Variants in CD40 observed in about 807,000 individuals in gnomAD.
The protein encoded by CD40 is CD40 molecule, also known as tumor necrosis factor receptor superfamily member 5.
Under a neutral mutation model 38.5 loss-of-function variants are expected in CD40, and 19 were observed. The observed-to-expected ratio is 0.49, with a 90% CI of 0.34 to 0.72. CD40 has a LOEUF of 0.72. CD40 is among the 30% of genes least tolerant of loss of function. The probability of loss-of-function intolerance (pLI) is 0.01; values close to 1 mark genes in which losing one functional copy is unlikely to be tolerated. For missense variants in CD40, 256 were observed against 344.1 expected (o/e 0.74, Z 2.03); for synonymous variants, 130 against 128.7 (o/e 1.01, Z -0.07).
chr20:46,128,251 G>T lies in CD40; in HGVS notation c.646+27G>T, dbSNP rs11569337. The T allele has an allele frequency of 1.8e-3, 2,880 of 1,613,176 alleles. 51 individuals carry two copies. In the African/African-American group the frequency reaches 0.035, roughly 20 times the overall value. ...TGAGTCCTCAGGTGGGGAGGTGTTGGGGGAGGGAGGGGAGACCACCTGTTT... is the reference window on the plus strand; with the variant it reads ...TGAGTCCTCAGGTGGGGAGGTGTTGTGGGAGGGAGGGGAGACCACCTGTTT... On this transcript the variant is annotated intron_variant, in intron 7 of 8. Transcript: ENST00000372285.
Position 46,122,211 on chromosome 20 carries a change from C to A in CD40, c.131-22C>A. On this transcript the variant is annotated intron_variant, in intron 2 of 8. Coordinates refer to ENST00000372285, the MANE Select transcript of CD40 (RefSeq NM_001250.6). This position sits in a 1 kb window ranked among gnomAD's most constrained non-coding sequence, Gnocchi z 5.0. Reference sequence around the variant, plus strand: ...CTCATGGAGTTGGCCAGAGCCCTCCCTCATTTCCTGATGTTTTCCAGGACA... The same window carrying A: ...CTCATGGAGTTGGCCAGAGCCCTCCATCATTTCCTGATGTTTTCCAGGACA... 2 of 1,614,010 alleles carry A rather than the reference C, an allele frequency of 1.2e-6. No individual in the cohort carries two copies. Among genetic ancestry groups the A allele is most frequent in the South Asian group, 1.1e-5 (1 of 91,062 alleles).
At position 46,129,690 on chromosome 20, in the gene CD40, A is replaced by G. The variant is rs2085518890; in HGVS notation, c.*650A>G. On this transcript the variant is annotated 3_prime_UTR_variant, in exon 9 of 9. Coordinates refer to ENST00000372285, the MANE Select transcript of CD40 (RefSeq NM_001250.6). ...ACAAGGGTTCTGGAAGGGTACACAG[A>G]AAACCCACAGCTCGAAGAGTGGTGA... 6.5e-6 allele frequency: 1 copy of G among 152,972 alleles called. No homozygotes were observed. Among genetic ancestry groups the G allele is most frequent in the African/African-American group, 2.4e-5 (1 of 41,440 alleles). 9.5% of individuals were successfully genotyped at this position (152,972 alleles called of 1,614,324 possible).
intron 5 of CD40, among the ~76,000 whole-genome samples, chr20:46,126,382 C>T (rs1894701972): frequency 6.6e-6 from 1 of 152,220 alleles, no homozygotes; most frequent in African/African-American, 2.4e-5. Context: ...AAGCTTGGCA[C>T]TCATTATAGA....
rs1469935635 is a variant in CD40 at position 46,118,353 on chromosome 20, C to T, written c.10C>T (p.Leu4=). Residue 4 remains leucine (L), a synonymous_variant, in exon 1 of 9, where the codon CTG becomes TTG. Coordinates refer to ENST00000372285, the MANE Select transcript of CD40 (RefSeq NM_001250.6). MVR[L]PLQCVLWGCL... ...CTGGTCTCACCTCGCTATGGTTCGT[C>T]TGCCTCTGCAGTGCGTCCTCTGGGG... The T allele has an allele frequency of 1.9e-6, 3 of 1,614,082 alleles. No homozygotes were observed. Among genetic ancestry groups the T allele is most frequent in the East Asian group, 4.5e-5 (2 of 44,876 alleles).
chr20:46,127,950 G>A (rs992221400), intron 6 of CD40, 188 bp from the exon 7 acceptor site: 12 of 1,117,888 alleles, frequency 1.1e-5, no homozygotes, highest in African/African-American at 6.3e-5. Flanking sequence ...ATTTCCAAAC[G>A]TTAAGAAAAT....
chr20:46,128,028 G>A, intron 6 of CD40, 110 bp from the exon 7 acceptor site: 4 of 1,599,808 alleles, frequency 2.5e-6, no homozygotes, highest in Non-Finnish European at 3.4e-6. Context: ...ACCTTCTGAT[G>A]TAGATGAGCT....
At chr20:46,126,264 G>A (rs574916243) in intron 5 of CD40, among the ~76,000 whole-genome samples, 1 of 144,464 alleles carries the variant, frequency 6.9e-6, no homozygotes, top group Admixed American at 7.3e-5. Flanking sequence ...TGGTGCTGAC[G>A]TTGAGTAACC....
chr20:46,128,807 G>A (rs1157580972), intron 8 of CD40, 75 bp from the exon 9 acceptor site: 2 of 1,506,012 alleles, frequency 1.3e-6, no homozygotes, highest in Non-Finnish European at 1.8e-6. Context: ...GAAGGGATCC[G>A]CTTCCCAGGG....
intron 1 of CD40, 150 bp downstream of exon 1, chr20:46,118,544 C>A: frequency 1.3e-6 from 1 of 784,616 alleles, no homozygotes; most frequent in Admixed American, 2.0e-5. Flanking sequence ...CCGCTCCTGG[C>A]TGAATGGGGT....
At position 46,122,058 on chromosome 20, in the gene CD40, T is replaced by C. The variant is rs539361776; in HGVS notation, c.130+160T>C. ...TGGTTCCCTCTCTACCAGGTAAAAC[T>C]CTGTCTACCCTGAACTAGGGATCCC... is the stretch of plus-strand genomic sequence containing the variant. On this transcript the variant is annotated intron_variant, in intron 2 of 8. Coordinates refer to ENST00000372285, the MANE Select transcript of CD40 (RefSeq NM_001250.6). This position sits in a 1 kb window ranked among gnomAD's most constrained non-coding sequence, Gnocchi z 5.0. 6.6e-6 allele frequency among the ~76,000 whole-genome samples: 1 copy of C among 152,298 alleles called. No individual in the cohort carries two copies. Among genetic ancestry groups the C allele is most frequent in the Admixed American group, 6.5e-5 (1 of 15,296 alleles).
intron 6 of CD40, 160 bp downstream of exon 6, chr20:46,126,861 C>G (rs2085447888): frequency 8.5e-7 from 1 of 1,170,690 alleles, no homozygotes; most frequent in Non-Finnish European, 1.2e-6. Context: ...CTGGGCAAAT[C>G]ACTTCCCCTC....
In CD40 at chr20:46,122,354, C is replaced by T. The variant is rs748382649; in HGVS notation, c.252C>T (p.Asp84=). ...ETHCHQHKYC[D]PNLGLRVQQK... ...ACTGCCACCAGCACAAATACTGCGA[C>T]CCCAGTGCGTGCGCTGTTGGGAAAG... is the stretch of plus-strand genomic sequence containing the variant. Residue 84 remains aspartate, a synonymous_variant, in exon 3 of 9, where the codon GAC becomes GAT. Transcript: ENST00000372285. This position sits in a 1 kb window ranked among gnomAD's most constrained non-coding sequence, Gnocchi z 5.0. The T allele has an allele frequency of 6.2e-6, 10 of 1,614,070 alleles. No individual in the cohort carries two copies. The South Asian group carries it at 9.9e-5, about 16-fold the overall frequency.
intron 5 of CD40, among the ~76,000 whole-genome samples, chr20:46,123,521 C>T (rs1278729807): frequency 1.3e-5 from 2 of 152,218 alleles, no homozygotes; most frequent in Non-Finnish European, 2.9e-5. Context: ...CCTCAGTTTT[C>T]CTCGTCTTGC....
At chr20:46,126,432 T>C (rs1012734279) in intron 5 of CD40, among the ~76,000 whole-genome samples, 12 of 152,232 alleles carry the variant, frequency 7.9e-5, no homozygotes, top group African/African-American at 2.9e-4. Context: ...GCAAGAATCT[T>C]TTCTCTGCAC....
intron 5 of CD40, among the ~76,000 whole-genome samples, chr20:46,126,117 C>A (rs948964012): frequency 6.6e-6 from 1 of 152,184 alleles, no homozygotes; most frequent in Non-Finnish European, 1.5e-5. Context: ...ACATTTCATT[C>A]GTCACAAACG....
Position 46,118,391 on chromosome 20 carries a change from C to G in CD40, c.48C>G (p.Thr16=), listed in dbSNP as rs1008453074. Residue 16 remains threonine (T), a synonymous_variant, in exon 1 of 9, where the codon ACC becomes ACG. Transcript: ENST00000372285. ...GCGTCCTCTGGGGCTGCTTGCTGAC[C>G]GCTGTGAGTTGTTTTTGCCCCGACC... is the stretch of plus-strand genomic sequence containing the variant. ...LQCVLWGCLL[T]AVHPEPPTAC... is the part of the protein sequence containing the mutation. 1.9e-6 allele frequency: 3 copies of G among 1,613,734 alleles called. No individual in the cohort carries two copies. The African/African-American group carries it at 4.0e-5, about 22-fold the overall frequency.
chr20:46,120,745 G>C (rs1237487546), intron 1 of CD40, among the ~76,000 whole-genome samples: 3 of 152,144 alleles, frequency 2.0e-5, no homozygotes, highest in Admixed American at 6.5e-5. Flanking sequence ...CTTGTCTCTT[G>C]GCAATGATGT....
At position 46,119,459 on chromosome 20, in the gene CD40, G is replaced by T. The variant is rs938488290; in HGVS notation, c.51+1065G>T. ...TAGGGAACAGGGAGGCAGGGGGAGG[G>T]CGGAGCTGGAAAGAGGTAAAGGGGG... On this transcript the variant is annotated intron_variant, in intron 1 of 8. Coordinates refer to ENST00000372285, the MANE Select transcript of CD40 (RefSeq NM_001250.6). Among the ~76,000 whole-genome samples, 22 of 152,294 alleles carry T rather than the reference G, an allele frequency of 1.4e-4. 1 individual carries two copies. In the South Asian group the frequency reaches 1.5e-3, roughly 10 times the overall value.
intron 6 of CD40, 180 bp downstream of exon 6, chr20:46,126,881 C>T (rs1467271997): frequency 1.0e-6 from 1 of 960,058 alleles, no homozygotes; most frequent in Non-Finnish European, 1.6e-6. Context: ...CTCTTAGCCT[C>T]AGTTTCTTCA....
Sources: allele counts gnomAD v4.1 joint callset (sites outside exome capture counted in the v4.1 genomes callset), GRCh38; gene constraint gnomAD v4.1.1; non-coding constraint Gnocchi (gnomAD v3.1); transcripts MANE v1.5; gene names NCBI Gene and HGNC (gene_info 2026-07-23, HGNC 2026-07-21).